The following ADGRE2 variants were observed in gnomAD, a reference collection of about 807,000 sequenced individuals.
ADGRE2 encodes adhesion G protein-coupled receptor E2.
Under a neutral mutation model 100.8 loss-of-function variants are expected in ADGRE2, and 83 were observed. That is an observed-to-expected ratio of 0.82 (90% confidence interval 0.69 to 0.99). The LOEUF is 0.99. Among genes scored for constraint, ADGRE2 ranks in the 50% least tolerant of loss-of-function variants. ADGRE2 has a pLI of 0.00. For synonymous variants in ADGRE2, 355 were observed against 413.0 expected, an observed-to-expected ratio of 0.86 and a Z score of 1.70; for missense variants, 814 against 1,035.7, an observed-to-expected ratio of 0.79 and a Z score of 2.94.
intron 5 of ADGRE2, chr19:14,772,038 T>A: frequency 2.4e-6 from 1 of 423,730 alleles, no homozygotes; most frequent in Non-Finnish European, 4.3e-6. Flanking sequence ...ATTATTATCA[T>A]CCTCATTTTA....
intron 5 of ADGRE2, among the ~76,000 whole-genome samples, chr19:14,768,175 G>T (rs1021377135): frequency 6.6e-6 from 1 of 152,088 alleles, no homozygotes; most frequent in African/African-American, 2.4e-5. Context: ...ATCCACACTA[G>T]CTCTGAGAGC....
chr19:14,731,150 T>G (rs868314131), downstream of ADGRE2: 2 of 1,532,686 alleles, frequency 1.3e-6, no homozygotes, highest in South Asian at 1.2e-5. Flanking sequence ...TCCCTCATTC[T>G]TCCTCCTTAT....
chr19:14,769,722 G>T (rs1040070218), intron 5 of ADGRE2, among the ~76,000 whole-genome samples: 2 of 151,526 alleles, frequency 1.3e-5, no homozygotes, highest in Non-Finnish European at 2.9e-5. Flanking sequence ...TTTTGGAGAC[G>T]GAGTCTCGCT....
intron 16 of ADGRE2, among the ~76,000 whole-genome samples, chr19:14,750,688 T>A (rs573329145): frequency 2.6e-5 from 4 of 152,194 alleles, no homozygotes; most frequent in Admixed American, 1.3e-4. Flanking sequence ...CTTTTTCAAA[T>A]GAAAAATTGG....
chr19:14,730,731 C>G (rs1363124805), downstream of ADGRE2, among the ~76,000 whole-genome samples: 1 of 151,640 alleles, frequency 6.6e-6, no homozygotes, highest in African/African-American at 2.4e-5. Flanking sequence ...TTGCATGATG[C>G]TGAGGTTTGG....
intron 5 of ADGRE2, among the ~76,000 whole-genome samples, chr19:14,768,084 G>A (rs2044058654): frequency 6.6e-6 from 1 of 152,210 alleles, no homozygotes; most frequent in African/African-American, 2.4e-5. Context: ...TCTGCTTCTG[G>A]TGGCCTTGAT....
rs550079515 is a variant in ADGRE2 at position 14,774,126 on chromosome 19, T to C, written c.83-72A>G. ...CACAAAAAGGGGGCACTGGGGGAGA[T>C]GGGGCAGAGCGCTGAGTTTCCCGTG... On this transcript the variant is annotated intron_variant, in intron 3 of 20. Transcript: ENST00000315576. 200 of 1,519,498 alleles carry C rather than the reference T, an allele frequency of 1.3e-4. 3 individuals carry two copies. The South Asian group carries it at 1.5e-3, about 12-fold the overall frequency. 94.1% of individuals were successfully genotyped at this position (1,519,498 alleles called of 1,614,324 possible).
chr19:14,764,647 G>A, intron 10 of ADGRE2, 37 bp from the exon 11 acceptor site: 2 of 1,576,918 alleles, frequency 1.3e-6, no homozygotes, highest in South Asian at 2.3e-5. Flanking sequence ...TGAGCCATGG[G>A]CCAGAGGGCC....
chr19:14,750,363 A>G (rs1402704950), intron 16 of ADGRE2, among the ~76,000 whole-genome samples: 1 of 151,726 alleles, frequency 6.6e-6, no homozygotes, highest in Admixed American at 6.6e-5. Flanking sequence ...AAAATCAAAC[A>G]CTCTTTCTTC....
intron 11 of ADGRE2, among the ~76,000 whole-genome samples, chr19:14,759,507 T>A (rs9749267): frequency 0.015 from 1,036 of 70,294 alleles, 13 homozygotes; most frequent in Middle Eastern, 0.056. Context: ...ATATATATTT[T>A]TTTTTTTTAG....
In ADGRE2 at chr19:14,755,122, C is replaced by T. The variant is rs376294322; in HGVS notation, c.1422G>A (p.Val474=). 1.1e-5 allele frequency: 18 copies of T among 1,613,650 alleles called. No individual in the cohort carries two copies. Among genetic ancestry groups the T allele is most frequent in the Admixed American group, 5.0e-5 (3 of 59,976 alleles). The change falls in exon 14 of 21, where the codon GTG becomes GTA. Residue 474 remains valine (V), a synonymous_variant. Coordinates refer to ENST00000315576, the MANE Select transcript of ADGRE2 (RefSeq NM_013447.4). ...CACAGAGCACCTTCTGTCTCGGGAT[C>T]ACTGACTGCAGGAACAGAACACAGG... is the stretch of plus-strand genomic sequence containing the variant. ...PVTFTFSHRS[V]IPRQKVLCVF... is the part of the protein sequence containing the mutation.
chr19:14,773,012 G>C (rs2044266702), intron 4 of ADGRE2, among the ~76,000 whole-genome samples: 1 of 147,724 alleles, frequency 6.8e-6, no homozygotes, highest in Non-Finnish European at 1.5e-5. Context: ...CTGGGAGGTG[G>C]AGGTTGCGGT....
rs2043481084 is a variant in ADGRE2 at position 14,755,777 on chromosome 19, C to G, written c.1293G>C (p.Glu431Asp). The part of the protein sequence containing the change: ...LEPEKQMLLH[E>D]THQGLLQDGS... Reference sequence around the variant, plus strand: ...CGTCCTGCAGCAAGCCCTGGTGTGTCTCATGCAGAAGCATCTGCTTCTCAG... The same window carrying G: ...CGTCCTGCAGCAAGCCCTGGTGTGTGTCATGCAGAAGCATCTGCTTCTCAG... The change falls in exon 13 of 21, where the codon GAG becomes GAC. Residue 431 changes from glutamate (E) to aspartate (D), a missense_variant. Coordinates refer to ENST00000315576, the MANE Select transcript of ADGRE2 (RefSeq NM_013447.4). 6.2e-7 allele frequency: 1 copy of G among 1,614,050 alleles called. No homozygotes were observed. Among genetic ancestry groups the G allele is most frequent in the African/African-American group, 1.3e-5 (1 of 74,916 alleles).
chr19:14,749,285 T>TTA (rs2043187552), intron 16 of ADGRE2, among the ~76,000 whole-genome samples: 1 of 120,874 alleles, frequency 8.3e-6, no homozygotes, highest in Non-Finnish European at 1.8e-5. Context: ...ATAATTATGC[T>TTA]TATATAATTA....
intron 13 of ADGRE2, among the ~76,000 whole-genome samples, 169 bp from the exon 14 acceptor site, chr19:14,755,296 TA>T (rs1654834681): frequency 1.1e-4 from 1 of 9,372 alleles, no homozygotes; most frequent in Admixed American, 7.6e-4. Context: ...AAAAAAAAAA[TA>T]CAAAAATTAG....
chr19:14,760,777 G>A (rs1276339547), intron 11 of ADGRE2, among the ~76,000 whole-genome samples: 1 of 152,162 alleles, frequency 6.6e-6, no homozygotes, highest in Non-Finnish European at 1.5e-5. Flanking sequence ...CCCTTTTGGA[G>A]TTGAGGAAAA....
rs1018548153 is a variant in ADGRE2 at position 14,766,831 on chromosome 19, G to A, written c.487+147C>T. ...CCGTGTGGCGAGTCCTTCCTGGGAG[G>A]TGAATCCTTAGGCAGGGGCTTAGCA... is the stretch of plus-strand genomic sequence containing the variant. On this transcript the variant is annotated intron_variant, in intron 6 of 20. Transcript: ENST00000315576. 38 of 985,398 alleles carry A rather than the reference G, an allele frequency of 3.9e-5. 1 individual carries two copies. Among genetic ancestry groups the A allele is most frequent in the African/African-American group, 3.1e-4 (18 of 58,876 alleles). The allele number at this position is 985,398 out of a possible 1,614,324, so 61.0% of individuals were successfully genotyped here. A position where few individuals can be genotyped will look rare whatever the true frequency, so the allele number is the denominator to read the frequency against.
chr19:14,743,349 C>G (rs1369724831), intron 20 of ADGRE2, 71 bp downstream of exon 20: 2 of 1,259,026 alleles, frequency 1.6e-6, no homozygotes, highest in Non-Finnish European at 1.2e-6. Flanking sequence ...CCCAGGTTTC[C>G]TTGTGTGATA....
At chr19:14,740,258 G>C (rs2042888948) in intron 20 of ADGRE2, among the ~76,000 whole-genome samples, 2 of 151,948 alleles carry the variant, frequency 1.3e-5, no homozygotes, top group African/African-American at 2.4e-5. Context: ...GGTGGTGAGG[G>C]CATTTAGTGA....
Sources: gnomAD v4.1 joint callset for allele counts (sites outside exome capture counted in the v4.1 genomes callset) on GRCh38, gnomAD v4.1.1 for gene constraint, MANE v1.5 for transcripts, NCBI Gene and HGNC (gene_info 2026-07-23, HGNC 2026-07-21) for gene names.